The following UGT2A3 variants were observed in gnomAD, a reference collection of about 807,000 sequenced individuals.
UGT2A3 encodes the protein UDP-glucuronosyltransferase 2A3.
In UGT2A3, 55 loss-of-function variants were observed where a neutral mutation model predicts 44.1. That is an observed-to-expected ratio of 1.25 (90% CI 1.00 to 1.56). The LOEUF (loss-of-function observed/expected upper bound fraction) is 1.56, where lower values mean the gene tolerates loss of function less well. Among genes scored for constraint, UGT2A3 ranks in the 40% most tolerant of loss-of-function variants. The pLI is 0.00. For synonymous variants in UGT2A3, 243 were observed against 215.1 expected (o/e 1.13, Z -1.13); for missense variants, 733 against 621.6 (o/e 1.18, Z -1.91).
At chr4:68,947,606 C>A (rs1314311827) in intron 1 of UGT2A3, among the ~76,000 whole-genome samples, 3 of 151,708 alleles carry the variant, frequency 2.0e-5, no homozygotes, top group Admixed American at 1.3e-4. Context: ...ATGAAAAATC[C>A]TTTTGAAAAG....
At chr4:68,932,580 G>C (rs764155257) in intron 3 of UGT2A3, 48 bp downstream of exon 3, 1 of 1,566,372 alleles carries the variant, frequency 6.4e-7, no homozygotes, top group South Asian at 1.2e-5. Context: ...AAACCATACT[G>C]TTTCATTATG....
chr4:68,943,262 AGAATGGCATGG>A, intron 2 of UGT2A3: 1 of 1,140,798 alleles, frequency 8.8e-7, no homozygotes, highest in South Asian at 1.4e-5. Context: ...AATAAAGGGT[AGAATGGCATGG>A]GAGATTACCT....
Position 68,945,489 on chromosome 4 carries a change from C to T in UGT2A3, c.716-35G>A, listed in dbSNP as rs779509541. 4.0e-6 allele frequency: 6 copies of T among 1,513,788 alleles called. No homozygotes were observed. In the African/African-American group the frequency reaches 7.1e-5, roughly 18 times the overall value. 93.8% of individuals were successfully genotyped at this position (1,513,788 alleles called of 1,614,324 possible). ...AGAAATAACAGAATGAATTAGCATA[C>T]AATTCAAATAAAAAATTGTATCACT... is the stretch of plus-strand genomic sequence containing the variant. On this transcript the variant is annotated intron_variant, in intron 1 of 5. Transcript: ENST00000251566.
chr4:68,947,039 T>C (rs1225164402), intron 1 of UGT2A3, among the ~76,000 whole-genome samples: 4 of 151,730 alleles, frequency 2.6e-5, no homozygotes, highest in Non-Finnish European at 5.9e-5. Flanking sequence ...TGTTGATTGA[T>C]CAGGGCAGCT....
At chr4:68,934,729 T>C (rs981606320) in intron 2 of UGT2A3, among the ~76,000 whole-genome samples, 2 of 122,664 alleles carry the variant, frequency 1.6e-5, no homozygotes, top group African/African-American at 5.9e-5. Flanking sequence ...CCAGTCTTGA[T>C]GGTGTATGCC....
chr4:68,939,770 A>G (rs1047651284), intron 2 of UGT2A3, among the ~76,000 whole-genome samples: 4 of 151,702 alleles, frequency 2.6e-5, no homozygotes, highest in Non-Finnish European at 5.9e-5. Context: ...AACCTACAGA[A>G]TGGGAGAAAA....
intron 2 of UGT2A3, among the ~76,000 whole-genome samples, chr4:68,933,106 C>A (rs1717800659): frequency 6.6e-6 from 1 of 151,978 alleles, no homozygotes; most frequent in Admixed American, 6.6e-5. Context: ...TGAGGACTGA[C>A]ATCAGCGAGA....
At chr4:68,931,560 A>G (rs1717736811) in intron 3 of UGT2A3, among the ~76,000 whole-genome samples, 1 of 152,068 alleles carries the variant, frequency 6.6e-6, no homozygotes, top group African/African-American at 2.4e-5. Flanking sequence ...TAAGAATTAA[A>G]AATTTTATAA....
At chr4:68,945,915 C>T (rs1239491516) in intron 1 of UGT2A3, among the ~76,000 whole-genome samples, 6 of 151,616 alleles carry the variant, frequency 4.0e-5, no homozygotes, top group Admixed American at 2.6e-4. Context: ...TCTGTATTTT[C>T]TAATCTATAG....
chr4:68,951,804 T>G lies in UGT2A3; in HGVS notation c.-44A>C. 6.9e-7 allele frequency: 1 copy of G among 1,448,054 alleles called. No homozygotes were observed. The highest frequency in any genetic ancestry group is 9.3e-7 in the Non-Finnish European group (1 of 1,075,352). The allele number at this position is 1,448,054 out of a possible 1,614,324, so 89.7% of individuals were successfully genotyped here. A position where few individuals can be genotyped will look rare whatever the true frequency, so the allele number is the denominator to read the frequency against. Reference sequence around the variant, plus strand: ...CACTGATCTGCAATGGTTTTGTAGTTACTAAGCAAGGAGTTGAAATGACAA... The same window carrying G: ...CACTGATCTGCAATGGTTTTGTAGTGACTAAGCAAGGAGTTGAAATGACAA... On this transcript the variant is annotated 5_prime_UTR_variant, in exon 1 of 6. Coordinates refer to ENST00000251566, the MANE Select transcript of UGT2A3 (RefSeq NM_024743.4).
Position 68,931,260 on chromosome 4 carries a change from G to T in UGT2A3, c.997-18C>A. ...CATAACACCTACGGAAGAAACACAT[G>T]TATTTCACAGAGTGAACCACAGGAT... is the stretch of plus-strand genomic sequence containing the variant. On this transcript the variant is annotated intron_variant, in intron 3 of 5. Transcript: ENST00000251566. 3.8e-6 allele frequency: 6 copies of T among 1,589,006 alleles called. No individual in the cohort carries two copies. The highest frequency in any genetic ancestry group is 5.2e-6 in the Non-Finnish European group (6 of 1,158,786).
At chr4:68,937,934 T>C (rs373949877) in intron 2 of UGT2A3, among the ~76,000 whole-genome samples, 1 of 152,140 alleles carries the variant, frequency 6.6e-6, no homozygotes, top group Non-Finnish European at 1.5e-5. Context: ...TATAAACACC[T>C]GTATGCAAAT....
intron 2 of UGT2A3, among the ~76,000 whole-genome samples, chr4:68,934,194 TA>T (rs764781678): frequency 6.6e-6 from 1 of 151,408 alleles, no homozygotes; most frequent in Non-Finnish European, 1.5e-5. Flanking sequence ...AAACTATAAA[TA>T]AAAAAACAAA....
Position 68,951,784 on chromosome 4 carries a change from A to T in UGT2A3, c.-24T>A, listed in dbSNP as rs542012870. The T allele has an allele frequency of 6.6e-7, 1 of 1,520,584 alleles. No homozygotes were observed. The highest frequency in any genetic ancestry group is 1.4e-5 in the African/African-American group (1 of 71,924). The allele number at this position is 1,520,584 out of a possible 1,614,324, so 94.2% of individuals were successfully genotyped here. ...ATGATGGCAGTTCCCTCACACACTG[A>T]TCTGCAATGGTTTTGTAGTTACTAA... On this transcript the variant is annotated 5_prime_UTR_variant, in exon 1 of 6. Coordinates refer to ENST00000251566, the MANE Select transcript of UGT2A3 (RefSeq NM_024743.4).
intron 4 of UGT2A3, 132 bp from the exon 5 acceptor site, chr4:68,930,897 T>A: frequency 2.5e-6 from 2 of 812,402 alleles, no homozygotes; most frequent in South Asian, 4.0e-5. Context: ...GGTGAGCACA[T>A]GGAGCATTGC....
chr4:68,931,827 C>T (rs1318822947), intron 3 of UGT2A3, among the ~76,000 whole-genome samples: 2 of 151,742 alleles, frequency 1.3e-5, no homozygotes, highest in East Asian at 3.9e-4. Context: ...TTTTTTTACA[C>T]AATTTTTCTT....
intron 2 of UGT2A3, among the ~76,000 whole-genome samples, chr4:68,935,138 GA>G (rs1376371217): frequency 6.6e-6 from 1 of 151,054 alleles, no homozygotes; most frequent in Non-Finnish European, 1.5e-5. Context: ...AAAATTTAAA[GA>G]ATAATTAATA....
At chr4:68,940,177 A>G (rs549092392) in intron 2 of UGT2A3, among the ~76,000 whole-genome samples, 2 of 152,266 alleles carry the variant, frequency 1.3e-5, no homozygotes, top group East Asian at 3.9e-4. Flanking sequence ...ATACCATTTG[A>G]CCCAGTTATC....
At chr4:68,935,303 T>TGC (rs1717901740) in intron 2 of UGT2A3, among the ~76,000 whole-genome samples, 2 of 107,330 alleles carry the variant, frequency 1.9e-5, no homozygotes, top group East Asian at 5.1e-4. Context: ...TATATATATA[T>TGC]ATATATATAT....
Sources: allele counts gnomAD v4.1 joint callset (sites outside exome capture counted in the v4.1 genomes callset), GRCh38; gene constraint gnomAD v4.1.1; transcripts MANE v1.5; gene names NCBI Gene and HGNC (gene_info 2026-07-23, HGNC 2026-07-21).